Variants in RYR3 observed in about 807,000 individuals in gnomAD.
RYR3 encodes the protein ryanodine receptor 3.
Under a neutral mutation model 584.3 loss-of-function variants are expected in RYR3, and 207 were observed. The observed-to-expected ratio is 0.35, with a 90% CI of 0.32 to 0.40. RYR3 has a LOEUF of 0.40. Ranked by LOEUF, RYR3 falls within the 10% of genes least tolerant of loss-of-function variation. RYR3 has a pLI of 1.00. For missense variants in RYR3, 5,616 were observed against 6,089.2 expected, an observed-to-expected ratio of 0.92 and a Z score of 2.59; for synonymous variants, 2,416 against 2,248.5, an observed-to-expected ratio of 1.07 and a Z score of -2.11.
At chr15:33,549,773 G>A (rs559056991) in intron 9 of RYR3, among the ~76,000 whole-genome samples, 4 of 152,286 alleles carry the variant, frequency 2.6e-5, no homozygotes, top group African/African-American at 4.8e-5. Flanking sequence ...GTAGTAATAC[G>A]TTTTAGTTCA....
chr15:33,312,385 G>T (rs917708122), intron 1 of RYR3, among the ~76,000 whole-genome samples: 10 of 148,996 alleles, frequency 6.7e-5, no homozygotes, highest in Non-Finnish European at 1.2e-4. Flanking sequence ...TTTGGGGGGG[G>T]TATGGAAGTA....
chr15:33,783,747 C>G (rs1298695447), intron 65 of RYR3, among the ~76,000 whole-genome samples: 1 of 152,202 alleles, frequency 6.6e-6, no homozygotes, highest in East Asian at 1.9e-4. Flanking sequence ...TACCTCTGTA[C>G]TCTGAGAGTA....
Position 33,821,253 on chromosome 15 carries a change from AT to A in RYR3, c.10816-9del, listed in dbSNP as rs35254800. The A allele has an allele frequency of 0.65, 1,018,187 of 1,568,556 alleles. 333,443 individuals carry two copies. The highest frequency in any genetic ancestry group is 0.81 in the African/African-American group (59,908 of 73,664). On this transcript the variant is annotated splice_polypyrimidine_tract_variant and intron_variant, in intron 78 of 103. Transcript: ENST00000634891. ...GGGTAGGAACCAATCTTTCCCTGTG[AT>A]TTTTTTTCCCCCCAGGAGAAAGAGA...
intron 32 of RYR3, among the ~76,000 whole-genome samples, chr15:33,658,870 T>C (rs1338413678): frequency 6.6e-6 from 1 of 152,134 alleles, no homozygotes; most frequent in African/African-American, 2.4e-5. Flanking sequence ...ACAGAAGAAC[T>C]GGAATGCTGA....
At chr15:33,830,896 C>A in intron 85 of RYR3, 67 bp from the exon 86 acceptor site, 1 of 1,552,494 alleles carries the variant, frequency 6.4e-7, no homozygotes, top group South Asian at 1.2e-5. Context: ...GTACCCTTCC[C>A]AAACACCGAG....
chr15:33,561,595 A>G (rs1016512044), intron 10 of RYR3, among the ~76,000 whole-genome samples: 11 of 152,192 alleles, frequency 7.2e-5, no homozygotes, highest in Admixed American at 5.2e-4. Context: ...CGCAATACAT[A>G]TGCTGCTATT....
intron 1 of RYR3, among the ~76,000 whole-genome samples, chr15:33,338,586 T>C (rs1005026415): frequency 1.3e-5 from 2 of 152,154 alleles, no homozygotes; most frequent in African/African-American, 2.4e-5. Context: ...AGGAATTTCC[T>C]TGTGGGCAAA....
intron 1 of RYR3, among the ~76,000 whole-genome samples, chr15:33,385,354 G>T (rs1320722676): frequency 1.3e-5 from 2 of 152,126 alleles, no homozygotes; most frequent in Admixed American, 6.6e-5. Flanking sequence ...AGAGAAAATG[G>T]AATTTATCTT....
intron 3 of RYR3, among the ~76,000 whole-genome samples, chr15:33,520,166 T>TAAAA (rs2140955640): frequency 6.6e-6 from 1 of 152,280 alleles, no homozygotes; most frequent in African/African-American, 2.4e-5. Context: ...CTTGTGTGGG[T>TAAAA]AAAGGTGTTA....
intron 1 of RYR3, among the ~76,000 whole-genome samples, chr15:33,312,864 T>C (rs1047321484): frequency 1.3e-5 from 2 of 152,190 alleles, no homozygotes; most frequent in Non-Finnish European, 2.9e-5. Flanking sequence ...TAAGTGTTTT[T>C]TGTTTTTGTT....
chr15:33,670,278 C>A, intron 37 of RYR3, 141 bp from the exon 38 acceptor site: 1 of 826,000 alleles, frequency 1.2e-6, no homozygotes, highest in Non-Finnish European at 1.9e-6. Context: ...TAACTATTCA[C>A]GAGAATAGTA....
intron 1 of RYR3, among the ~76,000 whole-genome samples, chr15:33,358,680 G>C (rs1169755840): frequency 6.7e-6 from 1 of 149,796 alleles, no homozygotes; most frequent in Admixed American, 6.7e-5. Flanking sequence ...AAAAGGACTT[G>C]GTTTAAACTT....
intron 98 of RYR3, 182 bp downstream of exon 98, chr15:33,855,094 A>C: frequency 2.1e-6 from 1 of 486,400 alleles, no homozygotes; most frequent in Non-Finnish European, 3.4e-6. Context: ...TAAAAATGTA[A>C]CTGCAACCAT....
intron 1 of RYR3, among the ~76,000 whole-genome samples, chr15:33,451,373 G>C (rs897369089): frequency 6.6e-6 from 1 of 152,056 alleles, no homozygotes; most frequent in African/African-American, 2.4e-5. Flanking sequence ...ATAGAGGCTG[G>C]ACAGTATAAA....
intron 67 of RYR3, among the ~76,000 whole-genome samples, chr15:33,797,294 C>T (rs1031363395): frequency 1.3e-5 from 2 of 152,052 alleles, no homozygotes; most frequent in Non-Finnish European, 2.9e-5. Context: ...AAAAGAGACC[C>T]ACAGATCAGC....
chr15:33,595,272 A>G (rs1277899456), intron 16 of RYR3, among the ~76,000 whole-genome samples: 1 of 152,244 alleles, frequency 6.6e-6, no homozygotes, highest in Non-Finnish European at 1.5e-5. Context: ...AAGCCCTAAT[A>G]GAAACAGCAT....
At chr15:33,650,062 C>T (rs367687152) in intron 31 of RYR3, among the ~76,000 whole-genome samples, 110 of 152,314 alleles carry the variant, frequency 7.2e-4, no homozygotes, top group African/African-American at 2.5e-3. Context: ...CACTGTGTCA[C>T]GAGGGACCTG....
Position 33,769,156 on chromosome 15 carries a change from C to A in RYR3, c.8800C>A (p.Gln2934Lys). ...GGTGAGCTGTCTTCACATCTTAGCT[C>A]AGACACTTGACACAAGGTAAGTCTG... The part of the protein sequence containing the change: ...TMVSCLHILA[Q>K]TLDTRTVMKS... Residue 2934 changes from glutamine to lysine, a missense_variant, in exon 62 of 104, where the codon CAG (glutamine) becomes AAG (lysine). Around this residue, in one of 9 missense-constraint regions of RYR3, gnomAD observed 1,280 missense variants for 1,426.2 expected, o/e 0.90. Transcript: ENST00000634891. 1 of 1,613,232 alleles carries A rather than the reference C, an allele frequency of 6.2e-7. No homozygotes were observed. The highest frequency in any genetic ancestry group is 1.1e-5 in the South Asian group (1 of 91,068).
chr15:33,588,340 A>G (rs2058959667), intron 16 of RYR3, among the ~76,000 whole-genome samples: 3 of 152,196 alleles, frequency 2.0e-5, no homozygotes, highest in African/African-American at 7.2e-5. Context: ...GCCTGTGAAC[A>G]TGTTCTTTAG....
Sources: gnomAD v4.1 joint callset for allele counts (sites outside exome capture counted in the v4.1 genomes callset) on GRCh38, gnomAD v4.1.1 for gene constraint, gnomAD v4.1.1 regional missense constraint, MANE v1.5 for transcripts, NCBI Gene and HGNC (gene_info 2026-07-23, HGNC 2026-07-21) for gene names.